The following NR2E3 variants were observed in gnomAD, a reference collection of about 807,000 sequenced individuals.
The protein encoded by NR2E3 is photoreceptor-specific nuclear receptor.
A neutral mutation model predicts 37.6 loss-of-function variants in NR2E3; 38 were observed. The ratio of observed to expected loss-of-function variants is 1.01; its 90% CI spans 0.78 to 1.33. The LOEUF (loss-of-function observed/expected upper bound fraction) is 1.33, where lower values mean the gene tolerates loss of function less well. Ranked by LOEUF, NR2E3 falls within the 40% of genes most tolerant of loss-of-function variation. The pLI is 0.00. For missense variants in NR2E3, 562 were observed against 558.7 expected (o/e 1.01, Z -0.06); for synonymous variants, 235 against 225.1 (o/e 1.04, Z -0.39).
Position 71,811,681 on chromosome 15 carries a change from A to G in NR2E3, c.245+72A>G. ...GAGGGGTGAGGGGGTGCTCAGGGGAAGAGGGGCTTGGGCAAAAATGTCCAA... is the reference window on the plus strand; with the variant it reads ...GAGGGGTGAGGGGGTGCTCAGGGGAGGAGGGGCTTGGGCAAAAATGTCCAA... On this transcript the variant is annotated intron_variant, in intron 2 of 7. Transcript: ENST00000617575. The surrounding 1 kb of genome is among the most constrained non-coding windows in gnomAD (Gnocchi z 5.6). The G allele has an allele frequency of 1.3e-6, 2 of 1,562,426 alleles. No homozygotes were observed.
rs546331170 is a variant in NR2E3, at chr15:71,811,387, T to G, written c.119-96T>G. The G allele has an allele frequency of 8.4e-7, 1 of 1,196,132 alleles. No individual in the cohort carries two copies. Among genetic ancestry groups the G allele is most frequent in the South Asian group, 1.4e-5 (1 of 69,830 alleles). 74.1% of individuals were successfully genotyped at this position (1,196,132 alleles called of 1,614,324 possible). The stretch of plus-strand genomic sequence containing the variant: ...CGTTCAAATGCGGGTGAGCGGGGCC[T>G]GAGGACTGGGAAAGGGACCCGAGGG... On this transcript the variant is annotated intron_variant, in intron 1 of 7. Transcript: ENST00000617575. This position sits in a 1 kb window ranked among gnomAD's most constrained non-coding sequence, Gnocchi z 5.6.
In NR2E3 at chr15:71,817,653, A is replaced by G. The variant is rs1436285951; in HGVS notation, c.1202A>G (p.Glu401Gly). 2 of 1,606,750 alleles carry G rather than the reference A, an allele frequency of 1.2e-6. No individual in the cohort carries two copies. The change falls in exon 8 of 8, where the codon GAG becomes GGG. Residue 401 changes from glutamate (E) to glycine (G), a missense_variant. Coordinates refer to ENST00000617575, the MANE Select transcript of NR2E3 (RefSeq NM_014249.4). ...AAGACCATAGGGAATACTCCAATGG[A>G]GAAGCTCCTTTGTGATATGTTCAAA... Reference protein sequence around the residue: ...FRKTIGNTPMEKLLCDMFKN With the variant: ...FRKTIGNTPMGKLLCDMFKN
chr15:71,817,797 A>C lies in NR2E3; in HGVS notation c.*113A>C. 1 of 887,746 alleles carries C rather than the reference A, an allele frequency of 1.1e-6. No homozygotes were observed. The highest frequency in any genetic ancestry group is 1.7e-6 in the Non-Finnish European group (1 of 595,604). The allele number at this position is 887,746 out of a possible 1,614,324, so 55.0% of individuals were successfully genotyped here. On this transcript the variant is annotated 3_prime_UTR_variant, in exon 8 of 8. Transcript: ENST00000617575. ...TCGTAGGTGTGTGTACCCAGCAGAA[A>C]TGCCCACCGAAAGATATTGTAAGAA...
At chr15:71,816,361 C>A (rs1208757845) in intron 7 of NR2E3, among the ~76,000 whole-genome samples, 1 of 150,626 alleles carries the variant, frequency 6.6e-6, no homozygotes, top group Non-Finnish European at 1.5e-5. Flanking sequence ...CCTGGGTTCA[C>A]GCCATTCTCC....
intron 7 of NR2E3, among the ~76,000 whole-genome samples, chr15:71,816,107 G>A (rs1207546686): frequency 6.6e-6 from 1 of 152,168 alleles, no homozygotes; most frequent in African/African-American, 2.4e-5. Flanking sequence ...GGTGAGAGGA[G>A]CATGGGACTG....
chr15:71,817,378 G>T (rs1302708443), intron 7 of NR2E3, 174 bp from the exon 8 acceptor site: 1 of 729,136 alleles, frequency 1.4e-6, no homozygotes, highest in African/African-American at 1.7e-5. Context: ...GATTACGGGC[G>T]TGAGCCACCA....
At position 71,813,182 on chromosome 15, in the gene NR2E3, A is replaced by G. The variant is rs1371683998; in HGVS notation, c.748-207A>G. On this transcript the variant is annotated intron_variant, in intron 5 of 7. Transcript: ENST00000617575. The surrounding 1 kb of genome is among the most constrained non-coding windows in gnomAD (Gnocchi z 4.7). The stretch of plus-strand genomic sequence containing the variant: ...CTAAATGTCCCAGCTGCAGCTCTGG[A>G]TGGAACCCAGTGTCTCAGATGATAG... Among the ~76,000 whole-genome samples the G allele has an allele frequency of 6.6e-6, 1 of 152,188 alleles. No individual in the cohort carries two copies. The highest frequency in any genetic ancestry group is 2.4e-5 in the African/African-American group (1 of 41,440).
At position 71,813,633 on chromosome 15, in the gene NR2E3, C is replaced by A. The variant is rs774840614; in HGVS notation, c.992C>A (p.Pro331Gln). 1 of 1,613,720 alleles carries A rather than the reference C, an allele frequency of 6.2e-7. No homozygotes were observed. The highest frequency in any genetic ancestry group is 8.5e-7 in the Non-Finnish European group (1 of 1,179,886). ...ACMKALVLFK[P>Q]ETRGLKDPEH... ...ATGAAGGCCTTGGTCCTCTTCAAGC[C>A]AGGTAACTGAGTCTCTGCCCAAACC... is the stretch of plus-strand genomic sequence containing the variant. Residue 331 changes from proline to glutamine, a missense_variant and splice_region_variant, in exon 6 of 8, where the codon CCA (proline) becomes CAA (glutamine). Coordinates refer to ENST00000617575, the MANE Select transcript of NR2E3 (RefSeq NM_014249.4). The surrounding 1 kb of genome is among the most constrained non-coding windows in gnomAD (Gnocchi z 4.7).
Position 71,814,134 on chromosome 15 carries a change from C to A in NR2E3, c.1100+17C>A. ...GCCCGTGAGGTGACCTGAGCATGCG[C>A]CCACCCACTCATCTGTCCCTGACCT... On this transcript the variant is annotated intron_variant, in intron 7 of 7. Transcript: ENST00000617575. 6.2e-7 allele frequency: 1 copy of A among 1,604,912 alleles called. No individual in the cohort carries two copies. The highest frequency in any genetic ancestry group is 1.1e-5 in the South Asian group (1 of 90,024).
Position 71,814,079 on chromosome 15 carries a change from C to T in NR2E3, c.1062C>T (p.Ser354=). The T allele has an allele frequency of 1.2e-6, 2 of 1,612,516 alleles. No homozygotes were observed. The highest frequency in any genetic ancestry group is 2.7e-5 in the African/African-American group (2 of 75,044). The change falls in exon 7 of 8, where the codon AGC becomes AGT. Residue 354 remains serine, a synonymous_variant. Transcript: ENST00000617575. ...AGGACCAGTCCCAAGTGATGCTGAG[C>T]CAGCACAGCAAGGCCCACCACCCCA... ...ALQDQSQVML[S]QHSKAHHPSQ...
At position 71,811,901 on chromosome 15, in the gene NR2E3, CAA is replaced by C; in HGVS notation, c.349+33_349+34del. The C allele has an allele frequency of 6.5e-7, 1 of 1,549,890 alleles. No homozygotes were observed. Among genetic ancestry groups the C allele is most frequent in the Non-Finnish European group, 8.7e-7 (1 of 1,146,466 alleles). On this transcript the variant is annotated intron_variant, in intron 3 of 7. Coordinates refer to ENST00000617575, the MANE Select transcript of NR2E3 (RefSeq NM_014249.4). The surrounding 1 kb of genome is among the most constrained non-coding windows in gnomAD (Gnocchi z 5.6). ...CGGGGGCTGGCCCGGGGGGAGGTGACAAGAAATGGGCAGCGGGACTGGCGTGT... is the reference window on the plus strand; with the variant it reads ...CGGGGGCTGGCCCGGGGGGAGGTGACGAAATGGGCAGCGGGACTGGCGTGT...
rs1039122400 is a variant in NR2E3 at position 71,813,850 on chromosome 15, A to G, written c.995-162A>G. On this transcript the variant is annotated intron_variant, in intron 6 of 7. Transcript: ENST00000617575. This position sits in a 1 kb window ranked among gnomAD's most constrained non-coding sequence, Gnocchi z 4.7. ...GGCTGGGAGCCCCTGGGAGACCCTG[A>G]GCCCCAGCCGGAGCCCCTGGTGGCT... is the stretch of plus-strand genomic sequence containing the variant. Among the ~76,000 whole-genome samples, 2 of 151,978 alleles carry G rather than the reference A, an allele frequency of 1.3e-5. No individual in the cohort carries two copies. The highest frequency in any genetic ancestry group is 2.9e-5 in the Non-Finnish European group (2 of 67,980).
rs2054198392 is a variant in NR2E3 at position 71,813,055 on chromosome 15, C to T, written c.748-334C>T. Among the ~76,000 whole-genome samples, 1 of 152,166 alleles carries T rather than the reference C, an allele frequency of 6.6e-6. No individual in the cohort carries two copies. Among genetic ancestry groups the T allele is most frequent in the Non-Finnish European group, 1.5e-5 (1 of 68,028 alleles). On this transcript the variant is annotated intron_variant, in intron 5 of 7. Transcript: ENST00000617575. This position sits in a 1 kb window ranked among gnomAD's most constrained non-coding sequence, Gnocchi z 4.7. ...AGCCAGTCTGTGTGCTGGGGTGGAG[C>T]AACTCAGAAGAGTCAGGCCACACCA...
At chr15:71,814,209 C>T (rs1387436634) in intron 7 of NR2E3, 92 bp downstream of exon 7, 2 of 1,503,642 alleles carry the variant, frequency 1.3e-6, no homozygotes, top group East Asian at 2.5e-5. Flanking sequence ...ACTGATTAGA[C>T]AGCACAAGGG....
At chr15:71,814,886 G>A (rs760425922) in intron 7 of NR2E3, 51 of 985,436 alleles carry the variant, frequency 5.2e-5, no homozygotes, top group African/African-American at 5.2e-5. Context: ...GGTCAGACCC[G>A]GTGTTTGGGT....
At position 71,811,450 on chromosome 15, in the gene NR2E3, T is replaced by TGCCCCGGCCCA. The variant is rs1232823413; in HGVS notation, c.119-29_119-28insCGGCCCAGCCC. 20 of 1,487,314 alleles carry TGCCCCGGCCCA rather than the reference T, an allele frequency of 1.3e-5. No homozygotes were observed. The African/African-American group carries it at 2.8e-4, about 21-fold the overall frequency. The allele number at this position is 1,487,314 out of a possible 1,614,324, so 92.1% of individuals were successfully genotyped here. ...GTGCAGCCCTGCCCCGGCCCAGCCC[T>TGCCCCGGCCCA]GCCCTGGCCCAGCCCTGCCCCCTGC... On this transcript the variant is annotated intron_variant, in intron 1 of 7. Coordinates refer to ENST00000617575, the MANE Select transcript of NR2E3 (RefSeq NM_014249.4). The surrounding 1 kb of genome is among the most constrained non-coding windows in gnomAD (Gnocchi z 5.6).
At chr15:71,816,156 C>T (rs1276854304) in intron 7 of NR2E3, among the ~76,000 whole-genome samples, 2 of 152,094 alleles carry the variant, frequency 1.3e-5, no homozygotes, top group Non-Finnish European at 2.9e-5. Flanking sequence ...GGGTGTTGAC[C>T]CTGGCCATCA....
At position 71,811,727 on chromosome 15, in the gene NR2E3, G is replaced by T. The variant is rs753739670; in HGVS notation, c.246-39G>T. Reference sequence around the variant, plus strand: ...TCCAAGCCCATGGCTCAGGGCATGGGAGGGACACTGACCCCTGGGGTCTCC... The same window carrying T: ...TCCAAGCCCATGGCTCAGGGCATGGTAGGGACACTGACCCCTGGGGTCTCC... On this transcript the variant is annotated intron_variant, in intron 2 of 7. Transcript: ENST00000617575. This position sits in a 1 kb window ranked among gnomAD's most constrained non-coding sequence, Gnocchi z 5.6. The T allele has an allele frequency of 6.5e-7, 1 of 1,547,068 alleles. No homozygotes were observed. Among genetic ancestry groups the T allele is most frequent in the Admixed American group, 2.0e-5 (1 of 50,936 alleles).
Position 71,812,070 on chromosome 15 carries a change from C to T in NR2E3, c.465C>T (p.Arg155=). The change falls in exon 4 of 8, where the codon CGC becomes CGT. Residue 155 remains arginine, a synonymous_variant. Coordinates refer to ENST00000617575, the MANE Select transcript of NR2E3 (RefSeq NM_014249.4). ...TGGCTCCCCCGGCCCCGGCAGGGCG[C>T]AGCCCACGGGGCCCCACACCCATGT... is the stretch of plus-strand genomic sequence containing the variant. ...SLVAPPAPAG[R]SPRGPTPMSA... is the part of the protein sequence containing the mutation. 1 of 1,553,162 alleles carries T rather than the reference C, an allele frequency of 6.4e-7. No homozygotes were observed. The highest frequency in any genetic ancestry group is 8.7e-7 in the Non-Finnish European group (1 of 1,148,588).
Sources: gnomAD v4.1 joint callset for allele counts (sites outside exome capture counted in the v4.1 genomes callset) on GRCh38, gnomAD v4.1.1 for gene constraint, Gnocchi (gnomAD v3.1) non-coding constraint, MANE v1.5 for transcripts, NCBI Gene and HGNC (gene_info 2026-07-23, HGNC 2026-07-21) for gene names.